Variants in PAAF1 observed in about 807,000 individuals in gnomAD.
PAAF1 encodes proteasomal ATPase associated factor 1, also known as proteasomal ATPase-associated factor 1.
In PAAF1, 46 loss-of-function variants were observed where a neutral mutation model predicts 52.8. That is an observed-to-expected ratio of 0.87 (90% CI 0.69 to 1.11). The LOEUF (loss-of-function observed/expected upper bound fraction) is 1.11, where lower values mean the gene tolerates loss of function less well. Ranked by LOEUF, PAAF1 falls within the 50% of genes most tolerant of loss-of-function variation. The pLI, the probability that PAAF1 is intolerant of heterozygous loss-of-function variation, is 0.00. For missense variants in PAAF1, 424 were observed against 477.4 expected, an observed-to-expected ratio of 0.89 and a Z score of 1.04; for synonymous variants, 178 against 172.8, an observed-to-expected ratio of 1.03 and a Z score of -0.24.
chr11:73,904,901 A>T (rs1432887442), intron 6 of PAAF1, among the ~76,000 whole-genome samples: 1 of 152,138 alleles, frequency 6.6e-6, no homozygotes, highest in African/African-American at 2.4e-5. Flanking sequence ...CTTGAAGGCA[A>T]ATGCTTTTGT....
intron 4 of PAAF1, among the ~76,000 whole-genome samples, chr11:73,896,106 C>A (rs1287090185): frequency 6.6e-6 from 1 of 151,862 alleles, no homozygotes; most frequent in African/African-American, 2.4e-5. Flanking sequence ...GAGACCCTGT[C>A]TTTAAAAAAA....
chr11:73,885,291 G>A (rs901563655), intron 2 of PAAF1, among the ~76,000 whole-genome samples: 4 of 151,428 alleles, frequency 2.6e-5, no homozygotes, highest in African/African-American at 7.3e-5. Context: ...CTACAGGCAC[G>A]TGCCACCACA....
At chr11:73,914,337 C>A (rs1950006985) in intron 7 of PAAF1, 76 bp from the exon 8 acceptor site, 1 of 1,172,416 alleles carries the variant, frequency 8.5e-7, no homozygotes, top group Non-Finnish European at 1.3e-6. Context: ...AGTAATCAAC[C>A]ATCAGTATTG....
intron 6 of PAAF1, among the ~76,000 whole-genome samples, chr11:73,909,160 C>A (rs1949857586): frequency 6.6e-6 from 1 of 152,178 alleles, no homozygotes; most frequent in Non-Finnish European, 1.5e-5. Flanking sequence ...CTAGCACACT[C>A]CACTAAAAAT....
At chr11:73,907,003 ACT>A (rs1949776430) in intron 6 of PAAF1, among the ~76,000 whole-genome samples, 1 of 150,036 alleles carries the variant, frequency 6.7e-6, no homozygotes, top group Admixed American at 6.6e-5. Flanking sequence ...ACTCCATACA[ACT>A]CTGTGTTTTT....
chr11:73,900,914 G>A (rs984917620), intron 6 of PAAF1, among the ~76,000 whole-genome samples: 2 of 148,036 alleles, frequency 1.4e-5, no homozygotes, highest in Non-Finnish European at 3.0e-5. Flanking sequence ...CCCGGGAGGC[G>A]GAGCTTGCAG....
chr11:73,880,398 T>A (rs1237713763), intron 2 of PAAF1: 1 of 151,494 alleles, frequency 6.6e-6, no homozygotes, highest in Non-Finnish European at 1.5e-5. Context: ...CTTAATTATG[T>A]TCAAAAATCC....
intron 3 of PAAF1, chr11:73,889,371 AG>A (rs1452260011): frequency 7.2e-6 from 4 of 552,270 alleles, no homozygotes; most frequent in African/African-American, 5.8e-5. Flanking sequence ...CTAACCCTGG[AG>A]CATAAAAATG....
chr11:73,900,612 G>A (rs558235141), intron 6 of PAAF1, among the ~76,000 whole-genome samples, 192 bp downstream of exon 6: 1 of 152,204 alleles, frequency 6.6e-6, no homozygotes, highest in Non-Finnish European at 1.5e-5. Flanking sequence ...ATCTTGAACT[G>A]TCTTACACAG....
chr11:73,884,883 G>A (rs796193554), intron 2 of PAAF1, among the ~76,000 whole-genome samples: 2 of 147,270 alleles, frequency 1.4e-5, no homozygotes, highest in East Asian at 2.0e-4. Context: ...TTTTTGAGAC[G>A]GAGTCTCGCT....
chr11:73,878,020 C>T (rs1322273652), intron 1 of PAAF1, among the ~76,000 whole-genome samples: 1 of 152,180 alleles, frequency 6.6e-6, no homozygotes, highest in Non-Finnish European at 1.5e-5. Flanking sequence ...TATTTGGCAA[C>T]TGCTACTACT....
At chr11:73,923,527 T>C (rs1950281854) in intron 10 of PAAF1, among the ~76,000 whole-genome samples, 1 of 152,016 alleles carries the variant, frequency 6.6e-6, no homozygotes, top group Non-Finnish European at 1.5e-5. Context: ...CTACTTCTAT[T>C]TATTTATGTT....
At chr11:73,907,168 A>G (rs1164200421) in intron 6 of PAAF1, among the ~76,000 whole-genome samples, 4 of 152,126 alleles carry the variant, frequency 2.6e-5, no homozygotes, top group African/African-American at 7.2e-5. Flanking sequence ...GACCATAGCA[A>G]ATATTCAGAT....
rs376713911 is a variant in PAAF1, at chr11:73,905,831, AT to A, written c.533-3558del. Among the ~76,000 whole-genome samples the A allele has an allele frequency of 6.0e-5, 9 of 150,952 alleles. 1 individual carries two copies. The highest frequency in any genetic ancestry group is 2.1e-4 in the South Asian group (1 of 4,758). On this transcript the variant is annotated intron_variant, in intron 6 of 11. Transcript: ENST00000310571. Reference sequence around the variant, plus strand: ...CTGCCTTGAATACATACTTTTCAGAATTTTTTTTTTCCAAAAGCATGTATCA... The same window carrying A: ...CTGCCTTGAATACATACTTTTCAGAATTTTTTTTTCCAAAAGCATGTATCA...
chr11:73,902,282 G>A (rs1193839308), intron 6 of PAAF1, among the ~76,000 whole-genome samples: 1 of 152,156 alleles, frequency 6.6e-6, no homozygotes, highest in Non-Finnish European at 1.5e-5. Context: ...AAGAAAACGG[G>A]TACATTGAGA....
At chr11:73,910,519 G>A (rs781406902) in intron 7 of PAAF1, among the ~76,000 whole-genome samples, 4 of 152,180 alleles carry the variant, frequency 2.6e-5, no homozygotes, top group Non-Finnish European at 4.4e-5. Flanking sequence ...TTGAATAGCT[G>A]TGGTGAGAGA....
intron 4 of PAAF1, among the ~76,000 whole-genome samples, chr11:73,898,235 A>G (rs1367606691): frequency 3.5e-5 from 5 of 142,992 alleles, no homozygotes. Flanking sequence ...AGGGAGAGGG[A>G]GAGGGAGAGG....
intron 4 of PAAF1, among the ~76,000 whole-genome samples, chr11:73,892,748 C>G (rs1472411425): frequency 1.3e-5 from 2 of 152,184 alleles, no homozygotes; most frequent in East Asian, 3.8e-4. Flanking sequence ...CAAGCTCCAC[C>G]TCCTGGGTTC....
chr11:73,908,255 ATG>A (rs1949814482), intron 6 of PAAF1, among the ~76,000 whole-genome samples: 1 of 147,164 alleles, frequency 6.8e-6, no homozygotes, highest in Non-Finnish European at 1.5e-5. Flanking sequence ...GTGTATATAT[ATG>A]TATATATGTG....
Sources: gnomAD v4.1 joint callset for allele counts (sites outside exome capture counted in the v4.1 genomes callset) on GRCh38, gnomAD v4.1.1 for gene constraint, MANE v1.5 for transcripts, NCBI Gene and HGNC (gene_info 2026-07-23, HGNC 2026-07-21) for gene names.